Variants in LRRC7 observed in about 807,000 individuals in gnomAD.
LRRC7 encodes leucine-rich repeat-containing protein 7.
A neutral mutation model predicts 175.7 loss-of-function variants in LRRC7; 23 were observed. That is an observed-to-expected ratio of 0.13 (90% CI 0.09 to 0.19). The LOEUF is 0.19. Ranked by LOEUF, LRRC7 falls within the 10% of genes least tolerant of loss-of-function variation. The pLI is 1.00. For missense variants in LRRC7, 1,354 were observed against 1,904.7 expected, an observed-to-expected ratio of 0.71 and a Z score of 5.38; for synonymous variants, 685 against 680.9, an observed-to-expected ratio of 1.01 and a Z score of -0.09.
At position 70,143,912 on chromosome 1, in the gene LRRC7, AT is replaced by A. The variant is rs1273106154; in HGVS notation, c.*22027del. The A allele has an allele frequency of 6.6e-6, 1 of 152,222 alleles. No individual in the cohort carries two copies. Among genetic ancestry groups the A allele is most frequent in the Non-Finnish European group, 1.5e-5 (1 of 68,034 alleles). The allele number at this position is 152,222 out of a possible 1,614,324, so 9.4% of individuals were successfully genotyped here. A position where few individuals can be genotyped will look rare whatever the true frequency, so the allele number is the denominator to read the frequency against. ...AAAGTACTTTTTAGTTGAACTACAT[AT>A]TGATGTAAATAAAACTGAATGAAGA... On this transcript the variant is annotated 3_prime_UTR_variant, in exon 27 of 27. Coordinates refer to ENST00000651989, the MANE Select transcript of LRRC7 (RefSeq NM_001370785.2).
At chr1:70,040,270 GTTA>G (rs375568060) in intron 21 of LRRC7, among the ~76,000 whole-genome samples, 49 of 152,264 alleles carry the variant, frequency 3.2e-4, no homozygotes, top group African/African-American at 1.1e-3. Context: ...GGGACTACTA[GTTA>G]TTATTTCTAA....
At chr1:69,658,490 C>T (rs1656974134) in intron 1 of LRRC7, among the ~76,000 whole-genome samples, 2 of 151,782 alleles carry the variant, frequency 1.3e-5, no homozygotes, top group African/African-American at 4.8e-5. Flanking sequence ...GGAGAACCTC[C>T]TAGAAGGTAG....
rs549621459 is a variant in LRRC7, at chr1:69,750,200, G to A, written c.101-9991G>A. 1.2e-3 allele frequency among the ~76,000 whole-genome samples: 180 copies of A among 152,074 alleles called. 5 individuals carry two copies. The South Asian group carries it at 0.036, about 31-fold the overall frequency. ...TAATTCAGAATACTAATGAGGAAAG[G>A]TTGGTTAATGGGTAAAAAAATACAG... On this transcript the variant is annotated intron_variant, in intron 2 of 26. Coordinates refer to ENST00000651989, the MANE Select transcript of LRRC7 (RefSeq NM_001370785.2).
intron 7 of LRRC7, among the ~76,000 whole-genome samples, chr1:69,912,722 G>T (rs894310834): frequency 6.6e-6 from 1 of 152,128 alleles, no homozygotes; most frequent in Non-Finnish European, 1.5e-5. Context: ...TGAATAATTG[G>T]TTCTGGTTAT....
At chr1:69,852,922 G>T (rs138927561) in intron 7 of LRRC7, among the ~76,000 whole-genome samples, 2 of 152,190 alleles carry the variant, frequency 1.3e-5, no homozygotes, top group East Asian at 1.9e-4. Flanking sequence ...ATTGTTGCCT[G>T]GTGAGCAAAC....
intron 7 of LRRC7, chr1:69,919,993 G>C (rs992170673): frequency 2.0e-6 from 1 of 498,684 alleles, no homozygotes; most frequent in Non-Finnish European, 3.6e-6. Context: ...CCAGACTGGG[G>C]GCCCTGGGGT....
chr1:69,621,094 G>C (rs1043711262), intron 1 of LRRC7, among the ~76,000 whole-genome samples: 1 of 150,998 alleles, frequency 6.6e-6, no homozygotes, highest in Non-Finnish European at 1.5e-5. Flanking sequence ...GCCCAGGCTG[G>C]AGTGCAATGG....
chr1:69,792,387 C>T (rs966324612), intron 4 of LRRC7, among the ~76,000 whole-genome samples: 5 of 152,012 alleles, frequency 3.3e-5, no homozygotes, highest in African/African-American at 1.2e-4. Context: ...TTTCCCTCTG[C>T]ATTCAGACAT....
chr1:69,819,497 C>T (rs1678985921), intron 4 of LRRC7, among the ~76,000 whole-genome samples: 1 of 151,026 alleles, frequency 6.6e-6, no homozygotes, highest in Admixed American at 6.6e-5. Context: ...AATCTTCCTG[C>T]AGAATATTTC....
intron 2 of LRRC7, among the ~76,000 whole-genome samples, chr1:69,706,010 G>A (rs11583627): frequency 6.6e-6 from 1 of 152,040 alleles, no homozygotes; most frequent in African/African-American, 2.4e-5. Context: ...TTGTAACCTA[G>A]CACACAGGAT....
intron 8 of LRRC7, among the ~76,000 whole-genome samples, chr1:69,972,234 A>G (rs1189989448): frequency 1.3e-5 from 2 of 152,226 alleles, no homozygotes; most frequent in Non-Finnish European, 2.9e-5. Context: ...ATAACCAAGA[A>G]CCCAAAAGCA....
intron 23 of LRRC7, among the ~76,000 whole-genome samples, chr1:70,054,456 T>C (rs1022770305): frequency 6.6e-6 from 1 of 151,952 alleles, no homozygotes; most frequent in Non-Finnish European, 1.5e-5. Flanking sequence ...AAATGGTAAA[T>C]GTAGTATTCA....
chr1:70,067,874 T>A (rs1662096695), intron 23 of LRRC7, among the ~76,000 whole-genome samples: 1 of 152,128 alleles, frequency 6.6e-6, no homozygotes, highest in Non-Finnish European at 1.5e-5. Flanking sequence ...TTTTGAATGA[T>A]TATACATGGT....
At chr1:70,057,421 T>A (rs959414045) in intron 23 of LRRC7, among the ~76,000 whole-genome samples, 2 of 152,216 alleles carry the variant, frequency 1.3e-5, no homozygotes, top group Non-Finnish European at 2.9e-5. Flanking sequence ...ATGACATTTT[T>A]AAAAGTTAAT....
intron 23 of LRRC7, among the ~76,000 whole-genome samples, chr1:70,062,811 ATTATTT>A (rs1661685015): frequency 6.6e-6 from 1 of 152,044 alleles, no homozygotes; most frequent in South Asian, 2.1e-4. Context: ...TGATTTTAGT[ATTATTT>A]AATTCATAGG....
intron 2 of LRRC7, among the ~76,000 whole-genome samples, chr1:69,680,523 T>C (rs532652333): frequency 5.9e-5 from 9 of 152,248 alleles, no homozygotes; most frequent in South Asian, 2.1e-4. Context: ...GCTGGAGTTA[T>C]GTTATCGAAC....
At chr1:69,823,545 A>G (rs1679546884) in intron 4 of LRRC7, among the ~76,000 whole-genome samples, 1 of 152,046 alleles carries the variant, frequency 6.6e-6, no homozygotes, top group Admixed American at 6.6e-5. Context: ...GTGTGGGAAA[A>G]AAAGTGTGTG....
chr1:70,139,283 C>T lies in LRRC7; in HGVS notation c.*17396C>T, dbSNP rs140076531. ...GTACTCTTGGGATAAAGGAAATTAA[C>T]GAGCTTTTGACATTTCAAGAACTCA... is the stretch of plus-strand genomic sequence containing the variant. On this transcript the variant is annotated 3_prime_UTR_variant, in exon 27 of 27. Coordinates refer to ENST00000651989, the MANE Select transcript of LRRC7 (RefSeq NM_001370785.2). 5.3e-5 allele frequency: 8 copies of T among 152,276 alleles called. No homozygotes were observed. Among genetic ancestry groups the T allele is most frequent in the African/African-American group, 1.9e-4 (8 of 41,568 alleles). 9.4% of individuals were successfully genotyped at this position (152,276 alleles called of 1,614,324 possible).
chr1:69,793,513 G>T (rs1456749066), intron 4 of LRRC7, among the ~76,000 whole-genome samples: 1 of 152,014 alleles, frequency 6.6e-6, no homozygotes, highest in Non-Finnish European at 1.5e-5. Flanking sequence ...TATCTGCAAT[G>T]CTCATTTCCT....
Sources: gnomAD v4.1 joint callset for allele counts (sites outside exome capture counted in the v4.1 genomes callset) on GRCh38, gnomAD v4.1.1 for gene constraint, MANE v1.5 for transcripts, NCBI Gene and HGNC (gene_info 2026-07-23, HGNC 2026-07-21) for gene names.